Variants in NEDD4L observed in about 807,000 individuals in gnomAD.
NEDD4L encodes the protein E3 ubiquitin-protein ligase NEDD4-like.
Under a neutral mutation model 148.9 loss-of-function variants are expected in NEDD4L, and 54 were observed. That is an observed-to-expected ratio of 0.36 (90% CI 0.29 to 0.45). The LOEUF (loss-of-function observed/expected upper bound fraction) is 0.45, where lower values mean the gene tolerates loss of function less well. NEDD4L is among the 20% of genes least tolerant of loss of function. NEDD4L has a pLI of 1.00. For missense variants in NEDD4L, 856 were observed against 1,233.8 expected (o/e 0.69, Z 4.59); for synonymous variants, 433 against 440.7 (o/e 0.98, Z 0.22).
chr18:58,394,242 CTAAGAGG>C (rs897676840), intron 30 of NEDD4L, among the ~76,000 whole-genome samples: 13 of 152,312 alleles, frequency 8.5e-5, no homozygotes, highest in African/African-American at 3.1e-4. Context: ...CACAGTGGCC[CTAAGAGG>C]TGGGTGATGT....
chr18:58,168,121 C>T (rs186389753), intron 2 of NEDD4L, among the ~76,000 whole-genome samples: 17 of 152,248 alleles, frequency 1.1e-4, no homozygotes, highest in Admixed American at 9.8e-4. Flanking sequence ...AAAGATAAAT[C>T]GTATTGTGGC....
At chr18:58,072,120 T>C (rs1250061554) in intron 1 of NEDD4L, among the ~76,000 whole-genome samples, 1 of 152,100 alleles carries the variant, frequency 6.6e-6, no homozygotes. Flanking sequence ...GGTAAAGAGA[T>C]TGAAATAGCA....
At chr18:58,061,078 T>C (rs1293758656) in intron 1 of NEDD4L, among the ~76,000 whole-genome samples, 1 of 152,022 alleles carries the variant, frequency 6.6e-6, no homozygotes, top group Non-Finnish European at 1.5e-5. Context: ...ACATTTTTGA[T>C]TGTCACAGCT....
intron 1 of NEDD4L, among the ~76,000 whole-genome samples, chr18:58,119,766 T>C (rs971424397): frequency 4.6e-5 from 7 of 151,980 alleles, no homozygotes; most frequent in Non-Finnish European, 5.9e-5. Context: ...CTGGGGGAGG[T>C]TTAAAACCCT....
intron 1 of NEDD4L, among the ~76,000 whole-genome samples, chr18:58,062,391 A>G (rs1390187095): frequency 6.6e-6 from 1 of 152,102 alleles, no homozygotes; most frequent in African/African-American, 2.4e-5. Context: ...TTAGAGGGGC[A>G]TTTCGGGGTG....
In NEDD4L at chr18:58,181,922, A is replaced by G. The variant is rs189788825; in HGVS notation, c.122+16061A>G. ...GAAAGAGACTCAGAAGAGGCTAGAGAGGTCTTTAACACATTTTTTTTTTGT... is the reference window on the plus strand; with the variant it reads ...GAAAGAGACTCAGAAGAGGCTAGAGGGGTCTTTAACACATTTTTTTTTTGT... On this transcript the variant is annotated intron_variant, in intron 2 of 30. Transcript: ENST00000400345. Among the ~76,000 whole-genome samples the G allele has an allele frequency of 9.2e-5, 14 of 152,282 alleles. No individual in the cohort carries two copies. The East Asian group carries it at 2.7e-3, about 29-fold the overall frequency.
chr18:58,329,350 A>T (rs191724707), intron 10 of NEDD4L, among the ~76,000 whole-genome samples: 1 of 152,074 alleles, frequency 6.6e-6, no homozygotes, highest in South Asian at 2.1e-4. Context: ...TGGGAATAAC[A>T]TTATTTTTAT....
intron 1 of NEDD4L, among the ~76,000 whole-genome samples, chr18:58,132,534 C>T (rs2032300098): frequency 6.6e-6 from 1 of 152,168 alleles, no homozygotes; most frequent in African/African-American, 2.4e-5. Flanking sequence ...TTCCTTGTTC[C>T]AGAATGCTCT....
At chr18:58,386,162 C>T (rs1166790154) in intron 26 of NEDD4L, among the ~76,000 whole-genome samples, 5 of 152,100 alleles carry the variant, frequency 3.3e-5, no homozygotes, top group Admixed American at 2.0e-4. Context: ...AAGCAATTCT[C>T]CTGCCTCAGC....
chr18:58,101,935 G>C (rs1234941382), intron 1 of NEDD4L, among the ~76,000 whole-genome samples: 1 of 152,078 alleles, frequency 6.6e-6, no homozygotes, highest in Non-Finnish European at 1.5e-5. Context: ...AGAAGCAAAT[G>C]GTTCACAACC....
intron 2 of NEDD4L, among the ~76,000 whole-genome samples, chr18:58,209,354 C>G: frequency 5.6e-4 from 1 of 1,800 alleles, no homozygotes; most frequent in Non-Finnish European, 1.4e-3. Context: ...CTGCCCCCTC[C>G]TCCTCCTCCT....
At chr18:58,108,137 T>TC (rs1187165517) in intron 1 of NEDD4L, among the ~76,000 whole-genome samples, 1 of 152,212 alleles carries the variant, frequency 6.6e-6, no homozygotes, top group African/African-American at 2.4e-5. Flanking sequence ...AGATACTGTG[T>TC]TAGCTGACTG....
chr18:58,062,724 C>A (rs1264204684), intron 1 of NEDD4L, among the ~76,000 whole-genome samples: 1 of 152,152 alleles, frequency 6.6e-6, no homozygotes, highest in Non-Finnish European at 1.5e-5. Flanking sequence ...GACGGTGGCT[C>A]ACGCCTATAA....
chr18:58,333,752 A>T, intron 11 of NEDD4L, 66 bp from the exon 12 acceptor site: 2 of 1,126,408 alleles, frequency 1.8e-6, no homozygotes, highest in Non-Finnish European at 2.7e-6. Context: ...TATGTTTGTT[A>T]AACCAATGAA....
intron 2 of NEDD4L, among the ~76,000 whole-genome samples, chr18:58,229,097 G>A (rs1173189482): frequency 6.6e-6 from 1 of 152,084 alleles, no homozygotes; most frequent in Non-Finnish European, 1.5e-5. Context: ...GGAAGAGGGT[G>A]ATTTTTTTCC....
intron 2 of NEDD4L, among the ~76,000 whole-genome samples, chr18:58,223,127 A>G (rs2043955315): frequency 6.6e-6 from 1 of 152,040 alleles, no homozygotes; most frequent in African/African-American, 2.4e-5. Flanking sequence ...ATGGAAGTCA[A>G]GAAGAGAGGA....
chr18:58,241,780 A>G (rs2046666478), intron 2 of NEDD4L, among the ~76,000 whole-genome samples: 1 of 152,072 alleles, frequency 6.6e-6, no homozygotes, highest in Admixed American at 6.5e-5. Context: ...CACTCAGGAA[A>G]TAGAAGGTTG....
At chr18:58,302,852 A>G (rs1200187818) in intron 5 of NEDD4L, among the ~76,000 whole-genome samples, 4 of 151,970 alleles carry the variant, frequency 2.6e-5, no homozygotes, top group Non-Finnish European at 1.5e-5. Flanking sequence ...CCCACGGCGT[A>G]CTTCAGATCT....
chr18:58,304,359 A>T (rs920690297), intron 5 of NEDD4L, among the ~76,000 whole-genome samples: 5 of 151,866 alleles, frequency 3.3e-5, no homozygotes, highest in African/African-American at 1.2e-4. Context: ...AAAAAAAAAA[A>T]AAAAATTAGC....
Sources: allele counts gnomAD v4.1 joint callset (sites outside exome capture counted in the v4.1 genomes callset), GRCh38; gene constraint gnomAD v4.1.1; transcripts MANE v1.5; gene names NCBI Gene and HGNC (gene_info 2026-07-23, HGNC 2026-07-21).